N4BP2L2: variants seen among roughly 807,000 people sequenced by gnomAD.
The protein encoded by N4BP2L2 is NEDD4 binding protein 2 like 2.
A neutral mutation model predicts 56.2 loss-of-function variants in N4BP2L2; 50 were observed. That is an observed-to-expected ratio of 0.89 (90% confidence interval 0.71 to 1.13). N4BP2L2 has a LOEUF of 1.13. Ranked by LOEUF, N4BP2L2 falls within the 50% of genes most tolerant of loss-of-function variation. The pLI, the probability that N4BP2L2 is intolerant of heterozygous loss-of-function variation, is 0.00. For missense variants in N4BP2L2, 689 were observed against 693.8 expected (o/e 0.99, Z 0.08); for synonymous variants, 203 against 223.6 (o/e 0.91, Z 0.82).
At chr13:32,481,001 C>T (rs999804658) in intron 6 of N4BP2L2, among the ~76,000 whole-genome samples, 15 of 151,150 alleles carry the variant, frequency 9.9e-5, no homozygotes, top group African/African-American at 2.7e-4. Flanking sequence ...TGCCTTTAAC[C>T]CCAGCTACTC....
intron 5 of N4BP2L2, 146 bp from the exon 6 acceptor site, chr13:32,518,149 A>T: frequency 1.3e-6 from 1 of 772,704 alleles, no homozygotes; most frequent in Non-Finnish European, 1.9e-6. Flanking sequence ...TTTATGTAAA[A>T]AGACTTATTA....
chr13:32,494,221 T>C (rs988901448), intron 6 of N4BP2L2, among the ~76,000 whole-genome samples: 3 of 151,996 alleles, frequency 2.0e-5, no homozygotes, highest in African/African-American at 4.8e-5. Context: ...AGGCGGAGGT[T>C]GCAGTGAGCC....
At chr13:32,501,001 T>C (rs553550313) in intron 6 of N4BP2L2, among the ~76,000 whole-genome samples, 2 of 152,082 alleles carry the variant, frequency 1.3e-5, no homozygotes, top group African/African-American at 2.4e-5. Flanking sequence ...CCCCAGTAGC[T>C]GGGATTACAG....
At chr13:32,522,655 G>A (rs957373921) in intron 3 of N4BP2L2, 2 of 153,874 alleles carry the variant, frequency 1.3e-5, no homozygotes, top group Non-Finnish European at 2.9e-5. Context: ...ACGGAAGGAT[G>A]GAGGTTATTA....
chr13:32,450,416 C>T (rs2077750583), intron 6 of N4BP2L2, among the ~76,000 whole-genome samples: 1 of 151,664 alleles, frequency 6.6e-6, no homozygotes. Flanking sequence ...GCTCCGCCTC[C>T]CAGGTTCAGG....
chr13:32,484,965 C>T (rs185394983), intron 6 of N4BP2L2, among the ~76,000 whole-genome samples: 154 of 152,222 alleles, frequency 1.0e-3, no homozygotes, highest in Admixed American at 1.7e-3. Flanking sequence ...ATAAAGAATA[C>T]TTAGAATGCA....
At position 32,442,716 on chromosome 13, in the gene N4BP2L2, C is replaced by T. The variant is rs757269941; in HGVS notation, c.1776G>A (p.Trp592Ter). 3 of 1,613,552 alleles carry T rather than the reference C, an allele frequency of 1.9e-6. No individual in the cohort carries two copies. Among genetic ancestry groups the T allele is most frequent in the Non-Finnish European group, 2.5e-6 (3 of 1,179,834 alleles). The change falls in exon 7 of 10, where the codon TGG becomes TGA. Residue 592 changes from tryptophan to a stop codon, truncating the protein, a stop_gained. Transcript: ENST00000357505. LOFTEE classifies it high-confidence loss of function. ...GTTTCTTGTTTGTAAAAGATGGCTT[C>T]CAAATACTAGATAAATTATGTAGCA...
intron 6 of N4BP2L2, among the ~76,000 whole-genome samples, chr13:32,486,795 C>T (rs1407528133): frequency 2.6e-5 from 4 of 151,970 alleles, no homozygotes; most frequent in African/African-American, 9.7e-5. Flanking sequence ...GTCAGCAGAT[C>T]GAGACCATCC....
At chr13:32,532,227 A>C (rs2055024534) in intron 2 of N4BP2L2, among the ~76,000 whole-genome samples, 1 of 152,240 alleles carries the variant, frequency 6.6e-6, no homozygotes, top group South Asian at 2.1e-4. Context: ...GCAAATATCC[A>C]CAATAATCTG....
chr13:32,494,436 A>C (rs911534553), intron 6 of N4BP2L2, among the ~76,000 whole-genome samples: 15 of 152,120 alleles, frequency 9.9e-5, no homozygotes, highest in African/African-American at 3.6e-4. Context: ...GAATATCCAT[A>C]AATAGCACCT....
intron 6 of N4BP2L2, chr13:32,477,818 A>T (rs1374921146): frequency 8.1e-7 from 1 of 1,240,192 alleles, no homozygotes; most frequent in African/African-American, 1.5e-5. Flanking sequence ...AGAAATACTC[A>T]GCGGATTATT....
At chr13:32,463,663 CAAA>C (rs35920030) in intron 6 of N4BP2L2, among the ~76,000 whole-genome samples, 5 of 104,028 alleles carry the variant, frequency 4.8e-5, no homozygotes, top group African/African-American at 1.4e-4. Context: ...GACTTGGTCT[CAAA>C]AAAAAAAAAA....
exon 7 of N4BP2L2, chr13:32,442,424 A>G (rs1424482141): frequency 6.2e-7 from 1 of 1,603,382 alleles, no homozygotes; most frequent in East Asian, 2.2e-5. Flanking sequence ...AGCTTTACTA[A>G]TTGAAAGGCA....
At chr13:32,528,220 AG>A (rs564597745) in intron 2 of N4BP2L2, among the ~76,000 whole-genome samples, 56 of 152,224 alleles carry the variant, frequency 3.7e-4, no homozygotes, top group Non-Finnish European at 7.3e-4. Context: ...CTAAAAAGCA[AG>A]TAAGCCTAAG....
At chr13:32,483,841 G>C (rs2085273872) in intron 6 of N4BP2L2, among the ~76,000 whole-genome samples, 1 of 151,928 alleles carries the variant, frequency 6.6e-6, no homozygotes, top group Non-Finnish European at 1.5e-5. Flanking sequence ...AAATTAGCCA[G>C]GTGTAGTGGT....
chr13:32,538,417 C>CAA (rs949496357), intron 1 of N4BP2L2, among the ~76,000 whole-genome samples: 4 of 152,194 alleles, frequency 2.6e-5, no homozygotes, highest in Admixed American at 2.0e-4. Context: ...GCGACCCGGG[C>CAA]AAAAGTGCGT....
chr13:32,442,031 A>C (rs922028400), intron 7 of N4BP2L2, among the ~76,000 whole-genome samples: 9 of 152,210 alleles, frequency 5.9e-5, no homozygotes, highest in South Asian at 2.1e-4. Flanking sequence ...AGCCGAGATC[A>C]CGCCACTGCG....
chr13:32,517,538 A>T, exon 6 of N4BP2L2: 1 of 1,178,732 alleles, frequency 8.5e-7, no homozygotes, highest in Non-Finnish European at 1.1e-6. Context: ...AAAACATCCT[A>T]GCTCCTACCC....
At position 32,438,498 on chromosome 13, in the gene N4BP2L2, C is replaced by T. The variant is rs377283162; in HGVS notation, c.2190+154G>A. ...CCTGTAATCCCAGCTACTAGGGAGG[C>T]TGAGGCAGGAGAATTACTTGAACCC... On this transcript the variant is annotated intron_variant, in intron 8 of 9. Transcript: ENST00000357505. Among the ~76,000 whole-genome samples the T allele has an allele frequency of 1.2e-4, 18 of 152,272 alleles. No individual in the cohort carries two copies. The South Asian group carries it at 1.9e-3, about 16-fold the overall frequency.
Sources: allele counts gnomAD v4.1 joint callset (sites outside exome capture counted in the v4.1 genomes callset), GRCh38; gene constraint gnomAD v4.1.1; transcripts MANE v1.5; gene names NCBI Gene and HGNC (gene_info 2026-07-23, HGNC 2026-07-21).